LRP6: variants seen among roughly 807,000 people sequenced by gnomAD.
LRP6 encodes the protein LDL receptor related protein 6, also known as low-density lipoprotein receptor-related protein 6.
A neutral mutation model predicts 184.1 loss-of-function variants in LRP6; 43 were observed. The observed-to-expected ratio is 0.23, with a 90% confidence interval of 0.18 to 0.30. LRP6 has a LOEUF of 0.30. LRP6 is among the 10% of genes least tolerant of loss of function. The pLI, the probability that LRP6 is intolerant of heterozygous loss-of-function variation, is 1.00. For missense variants in LRP6, 1,571 were observed against 2,005.3 expected (o/e 0.78, Z 4.14); for synonymous variants, 719 against 684.9 (o/e 1.05, Z -0.78).
At position 12,159,034 on chromosome 12, in the gene LRP6, A is replaced by G. The variant is rs777724793; in HGVS notation, c.2586T>C (p.Ser862=). Residue 862 remains serine (S), a synonymous_variant, in exon 12 of 23, where the codon AGT becomes AGC. Transcript: ENST00000261349. ...RRSIERANKT[S]GQNRTIIQGH... is the part of the protein sequence containing the mutation. ...CCTGAATGATGGTGCGGTTTTGGCC[A>G]CTGGTTTTGTTGGCACGCTCAATGC... 24 of 1,614,144 alleles carry G rather than the reference A, an allele frequency of 1.5e-5. No homozygotes were observed. The South Asian group carries it at 2.6e-4, about 18-fold the overall frequency.
chr12:12,132,896 T>C (rs1162472419), intron 17 of LRP6, among the ~76,000 whole-genome samples: 1 of 152,218 alleles, frequency 6.6e-6, no homozygotes, highest in East Asian at 1.9e-4. Flanking sequence ...AAAGAATGAC[T>C]GACAGGTAAA....
At position 12,120,444 on chromosome 12, in the gene LRP6, A is replaced by G. The variant is rs1049133636; in HGVS notation, c.*682T>C. ...CATTTTGACAGAGGTATGGATTCTA[A>G]AGGTAGGGACAGAGACTTGCACACA... On this transcript the variant is annotated 3_prime_UTR_variant, in exon 23 of 23. Coordinates refer to ENST00000261349, the MANE Select transcript of LRP6 (RefSeq NM_002336.3). 2.0e-5 allele frequency: 3 copies of G among 152,048 alleles called. No individual in the cohort carries two copies. The highest frequency in any genetic ancestry group is 4.8e-5 in the African/African-American group (2 of 41,370). 9.4% of individuals were successfully genotyped at this position (152,048 alleles called of 1,614,324 possible).
rs1451097373 is a variant in LRP6, at chr12:12,141,837, T to C, written c.3398-3303A>G. ...ACAGTAATATGTTCATAGCCATAAATAATAAGTAATTAAGTCTAGACTTAA... is the reference window on the plus strand; with the variant it reads ...ACAGTAATATGTTCATAGCCATAAACAATAAGTAATTAAGTCTAGACTTAA... On this transcript the variant is annotated intron_variant, in intron 15 of 22. Coordinates refer to ENST00000261349, the MANE Select transcript of LRP6 (RefSeq NM_002336.3). 5.3e-5 allele frequency among the ~76,000 whole-genome samples: 8 copies of C among 152,284 alleles called. No homozygotes were observed. The South Asian group carries it at 1.0e-3, about 20-fold the overall frequency.
intron 1 of LRP6, among the ~76,000 whole-genome samples, chr12:12,259,182 G>A (rs1286777457): frequency 6.7e-6 from 1 of 148,796 alleles, no homozygotes; most frequent in Non-Finnish European, 1.5e-5. Context: ...AGAATCACTT[G>A]AACCCAGGAG....
chr12:12,197,321 G>C (rs1311576467), intron 3 of LRP6, among the ~76,000 whole-genome samples: 1 of 152,150 alleles, frequency 6.6e-6, no homozygotes, highest in African/African-American at 2.4e-5. Context: ...CCTAGAATCA[G>C]CAATTTTGCC....
At chr12:12,187,903 A>G (rs918441478) in intron 3 of LRP6, among the ~76,000 whole-genome samples, 32 of 152,148 alleles carry the variant, frequency 2.1e-4, no homozygotes, top group African/African-American at 7.7e-4. Context: ...AGTATTAGAG[A>G]GAGTTATAGA....
Position 12,125,382 on chromosome 12 carries a change from T to C in LRP6, c.4363A>G (p.Ser1455Gly). 2 of 1,613,626 alleles carry C rather than the reference T, an allele frequency of 1.2e-6. No individual in the cohort carries two copies. The highest frequency in any genetic ancestry group is 4.5e-5 in the East Asian group (2 of 44,876). ...GCTCGGTCATAGGGGGGTCCACTGC[T>C]TCCCCCCATGATACTGAGGGAGCTG... is the stretch of plus-strand genomic sequence containing the variant. The part of the protein sequence containing the change: ...MISSLSIMGG[S>G]SGPPYDRAHV... The change falls in exon 21 of 23, where the codon AGC becomes GGC. Residue 1455 changes from serine (S) to glycine (G), a missense_variant. Ser to Gly is a moderately conservative substitution (Grantham distance 56). This residue lies in a region of LRP6 where 763 missense variants were observed against 859.5 expected (regional missense o/e 0.89). Transcript: ENST00000261349.
chr12:12,125,235 A>G, intron 21 of LRP6, 61 bp downstream of exon 21: 1 of 1,592,300 alleles, frequency 6.3e-7, no homozygotes, highest in Non-Finnish European at 8.6e-7. Flanking sequence ...CCCACATTTA[A>G]ATGAGTTAAA....
intron 3 of LRP6, among the ~76,000 whole-genome samples, chr12:12,197,535 T>C (rs1217194475): frequency 3.3e-5 from 5 of 152,236 alleles, no homozygotes; most frequent in Non-Finnish European, 4.4e-5. Flanking sequence ...AAATACCTAA[T>C]AAGCGCATAC....
chr12:12,156,353 G>A (rs113152759), intron 12 of LRP6, among the ~76,000 whole-genome samples: 58 of 152,292 alleles, frequency 3.8e-4, no homozygotes, highest in African/African-American at 1.3e-3. Context: ...AACCAGCAAC[G>A]AGGCCAGTGT....
At chr12:12,138,195 T>C (rs1010072899) in intron 16 of LRP6, 130 bp downstream of exon 16, 1 of 834,038 alleles carries the variant, frequency 1.2e-6, no homozygotes, top group African/African-American at 1.7e-5. Flanking sequence ...CATGGAGAGT[T>C]CAAAAAAATG....
At chr12:12,145,425 T>C (rs1040988614) in intron 15 of LRP6, among the ~76,000 whole-genome samples, 7 of 152,064 alleles carry the variant, frequency 4.6e-5, no homozygotes, top group Admixed American at 1.3e-4. Context: ...CATTTTAGTA[T>C]GCTAATGCTC....
chr12:12,204,679 T>G (rs1377240075), intron 2 of LRP6, among the ~76,000 whole-genome samples: 1 of 151,956 alleles, frequency 6.6e-6, no homozygotes, highest in African/African-American at 2.4e-5. Context: ...TCCCAGCACT[T>G]TGGGAGGTCG....
intron 2 of LRP6, among the ~76,000 whole-genome samples, chr12:12,241,677 C>T (rs1865069449): frequency 6.6e-6 from 1 of 152,164 alleles, no homozygotes; most frequent in Non-Finnish European, 1.5e-5. Flanking sequence ...CTGCCTCCCA[C>T]ATTAACCACA....
Position 12,119,559 on chromosome 12 carries a change from A to G in LRP6, c.*1567T>C, listed in dbSNP as rs1949565047. 6.6e-6 allele frequency: 1 copy of G among 152,174 alleles called. No homozygotes were observed. Among genetic ancestry groups the G allele is most frequent in the Non-Finnish European group, 1.5e-5 (1 of 68,022 alleles). The allele number at this position is 152,174 out of a possible 1,614,324, so 9.4% of individuals were successfully genotyped here. On this transcript the variant is annotated 3_prime_UTR_variant, in exon 23 of 23. Transcript: ENST00000261349. ...AGATGTAGCAGCCCCAGTACCATAC[A>G]TGACAGCAGGTCAGGCAGATCACAA... is the stretch of plus-strand genomic sequence containing the variant.
rs186428422 is a variant in LRP6, at chr12:12,210,203, A to C, written c.450-6803T>G. Among the ~76,000 whole-genome samples, 69 of 152,316 alleles carry C rather than the reference A, an allele frequency of 4.5e-4. No individual in the cohort carries two copies. In the East Asian group the frequency reaches 0.013, roughly 28 times the overall value. On this transcript the variant is annotated intron_variant, in intron 2 of 22. Coordinates refer to ENST00000261349, the MANE Select transcript of LRP6 (RefSeq NM_002336.3). ...AGAAGAAACAAGAAAAAGCCAGAAA[A>C]CTGAAATATTCCAAATAAGAACTAA...
chr12:12,203,064 A>G, intron 3 of LRP6, 139 bp downstream of exon 3: 3 of 615,902 alleles, frequency 4.9e-6, no homozygotes, highest in Non-Finnish European at 8.4e-6. Flanking sequence ...ACTTTTAAAG[A>G]GCTAACTAAA....
At chr12:12,121,488 T>G (rs923934058) in intron 22 of LRP6, 68 bp from the exon 23 acceptor site, 3 of 1,408,202 alleles carry the variant, frequency 2.1e-6, no homozygotes, top group Non-Finnish European at 3.0e-6. Flanking sequence ...CCTCTCAGAA[T>G]AGAGGTATTA....
intron 2 of LRP6, among the ~76,000 whole-genome samples, chr12:12,232,848 ATAACT>A (rs1375074698): frequency 7.9e-5 from 12 of 152,356 alleles, no homozygotes; most frequent in Non-Finnish European, 1.0e-4. Flanking sequence ...CATCCCACAA[ATAACT>A]TAAGGACACA....
Sources: gnomAD v4.1 joint callset for allele counts (sites outside exome capture counted in the v4.1 genomes callset) on GRCh38, gnomAD v4.1.1 for gene constraint, gnomAD v4.1.1 regional missense constraint, MANE v1.5 for transcripts, NCBI Gene and HGNC (gene_info 2026-07-23, HGNC 2026-07-21) for gene names.